PAPLN: variants seen among roughly 807,000 people sequenced by gnomAD.
The protein encoded by PAPLN is papilin.
PAPLN carries 146 observed loss-of-function variants against 159.0 expected under a neutral mutation model. The ratio of observed to expected loss-of-function variants is 0.92; its 90% confidence interval spans 0.80 to 1.05. The LOEUF (loss-of-function observed/expected upper bound fraction) is 1.05. Among genes scored for constraint, PAPLN ranks in the 50% least tolerant of loss-of-function variants. The pLI is 0.00. For synonymous variants in PAPLN, 734 were observed against 702.9 expected, an observed-to-expected ratio of 1.04 and a Z score of -0.70; for missense variants, 1,720 against 1,743.9, an observed-to-expected ratio of 0.99 and a Z score of 0.24.
In PAPLN at chr14:73,245,010, G is replaced by C. The variant is rs553420806; in HGVS notation, c.170+251G>C. 1.4e-3 allele frequency: 532 copies of C among 390,942 alleles called. 1 individual carries two copies. The highest frequency in any genetic ancestry group is 2.0e-3 in the Non-Finnish European group (443 of 216,284). The allele number at this position is 390,942 out of a possible 1,614,324, so 24.2% of individuals were successfully genotyped here. A position where few individuals can be genotyped will look rare whatever the true frequency, so the allele number is the denominator to read the frequency against. On this transcript the variant is annotated intron_variant, in intron 3 of 26. Transcript: ENST00000644200. The surrounding 1 kb of genome is among the most constrained non-coding windows in gnomAD (Gnocchi z 4.2). ...GGTCTCCAGCTCCTGATGCTGCACC[G>C]GCCTGCAGTATGGCAGGTGCAGTCA...
intron 15 of PAPLN, 36 bp downstream of exon 15, chr14:73,259,095 G>A (rs552345742): frequency 1.9e-5 from 30 of 1,581,838 alleles, no homozygotes; most frequent in Non-Finnish European, 2.4e-5. Context: ...TCAGAGCCCT[G>A]TAGTTTTTGT....
At chr14:73,247,663 CGT>C (rs148614929) in intron 5 of PAPLN, among the ~76,000 whole-genome samples, 8,855 of 43,984 alleles carry the variant, frequency 0.2, 393 homozygotes, top group Non-Finnish European at 0.27. Flanking sequence ...TGTGTGTGTG[CGT>C]GTGTGTGTGT....
intron 2 of PAPLN, among the ~76,000 whole-genome samples, chr14:73,240,304 C>T (rs1362896048): frequency 6.6e-6 from 1 of 152,142 alleles, no homozygotes; most frequent in Non-Finnish European, 1.5e-5. Context: ...CCTATGGAAC[C>T]TTCTGAGATG....
At chr14:73,258,412 CTGTTT>C (rs1320217526) in intron 14 of PAPLN, among the ~76,000 whole-genome samples, 1 of 152,030 alleles carries the variant, frequency 6.6e-6, no homozygotes, top group African/African-American at 2.4e-5. Context: ...AAAGTATGTT[CTGTTT>C]TTTGTTTTAT....
At chr14:73,237,861 G>T (rs1324968887) in intron 1 of PAPLN, among the ~76,000 whole-genome samples, 1 of 152,164 alleles carries the variant, frequency 6.6e-6, no homozygotes, top group Non-Finnish European at 1.5e-5. Flanking sequence ...CCCTCCGCCC[G>T]CTCGGACCTT....
intron 11 of PAPLN, chr14:73,253,139 A>G: frequency 7.2e-7 from 1 of 1,383,714 alleles, no homozygotes; most frequent in Non-Finnish European, 9.6e-7. Context: ...GGCATCGGCC[A>G]TGGCTTTGTT....
chr14:73,252,660 C>G lies in PAPLN; in HGVS notation c.979C>G (p.Arg327Gly), dbSNP rs750121273. The change falls in exon 11 of 27, where the codon CGC (arginine) becomes GGC (glycine). Residue 327 changes from arginine (R) to glycine (G), a missense_variant. Coordinates refer to ENST00000644200, the MANE Select transcript of PAPLN (RefSeq NM_001365906.3). The part of the protein sequence containing the change: ...SAECGGGHQS[R>G]LVFCTIDHEA... ...GGGCCTCTGCGCAGGTCACCAGTCC[C>G]GCCTGGTGTTCTGCACCATCGACCA... 7 of 1,612,968 alleles carry G rather than the reference C, an allele frequency of 4.3e-6. No homozygotes were observed. In the East Asian group the frequency reaches 1.6e-4, roughly 36 times the overall value.
intron 6 of PAPLN, 63 bp from the exon 7 acceptor site, chr14:73,250,844 G>A (rs987296963): frequency 1.3e-5 from 20 of 1,519,384 alleles, no homozygotes; most frequent in African/African-American, 4.1e-5. Context: ...AGGATGCGAC[G>A]GGGCCCAAGG....
At chr14:73,264,878 C>T in intron 22 of PAPLN, 152 bp downstream of exon 22, 1 of 1,252,878 alleles carries the variant, frequency 8.0e-7, no homozygotes, top group South Asian at 1.4e-5. Context: ...ACAGGGCTCC[C>T]AGAGCTGGGC....
chr14:73,271,909 G>A (rs1887770240), intron 26 of PAPLN, among the ~76,000 whole-genome samples: 3 of 152,322 alleles, frequency 2.0e-5, no homozygotes, highest in Admixed American at 6.5e-5. Flanking sequence ...TAGAGCCACC[G>A]TTAACAGGAC....
chr14:73,264,839 C>T, intron 22 of PAPLN, 113 bp downstream of exon 22: 3 of 1,526,136 alleles, frequency 2.0e-6, no homozygotes, highest in South Asian at 1.2e-5. Flanking sequence ...AGCCCCTGCT[C>T]AGGGCTCTGG....
In PAPLN at chr14:73,266,628, GGTAAAGTGGCA is replaced by G. The variant is rs1357089607; in HGVS notation, c.3391+3_3391+13del. On this transcript the variant is annotated splice_donor_variant and splice_donor_5th_base_variant and intron_variant, in intron 24 of 26. Coordinates refer to ENST00000644200, the MANE Select transcript of PAPLN (RefSeq NM_001365906.3). LOFTEE classifies it high-confidence loss of function. ...GCGATGGGTCCAGCTCAGAGTTCTG[GGTAAAGTGGCA>G]GTCCTGAGTGGCCTTTGAGGTCAGG... 6.2e-7 allele frequency: 1 copy of G among 1,614,132 alleles called. No homozygotes were observed. The highest frequency in any genetic ancestry group is 8.5e-7 in the Non-Finnish European group (1 of 1,180,030).
intron 26 of PAPLN, among the ~76,000 whole-genome samples, chr14:73,269,083 C>T (rs1040879006): frequency 9.2e-5 from 14 of 152,214 alleles, no homozygotes; most frequent in Non-Finnish European, 1.0e-4. Context: ...AGGCAGACCA[C>T]TAAAATCTGT....
intron 6 of PAPLN, 146 bp downstream of exon 6, chr14:73,250,260 G>C: frequency 8.6e-7 from 1 of 1,167,232 alleles, no homozygotes. Context: ...CAGCTCCTAG[G>C]GTACCTTGCA....
intron 26 of PAPLN, among the ~76,000 whole-genome samples, chr14:73,270,639 C>T (rs1212491775): frequency 2.6e-5 from 4 of 152,194 alleles, no homozygotes; most frequent in Non-Finnish European, 5.9e-5. Context: ...TGCAGATTCA[C>T]AGTGAGAGAA....
At chr14:73,272,406 T>C (rs1566714813) in intron 26 of PAPLN, 89 bp from the exon 27 acceptor site, 11 of 1,282,916 alleles carry the variant, frequency 8.6e-6, no homozygotes, top group Non-Finnish European at 1.2e-5. Context: ...TAATGCTGTG[T>C]TCCTTTGAAG....
Position 73,254,593 on chromosome 14 carries a change from A to G in PAPLN, c.1383A>G (p.Ala461=). The G allele has an allele frequency of 6.2e-7, 1 of 1,614,040 alleles. No individual in the cohort carries two copies. The highest frequency in any genetic ancestry group is 8.5e-7 in the Non-Finnish European group (1 of 1,179,932). Residue 461 remains alanine (A), a synonymous_variant, in exon 13 of 27, where the codon GCA becomes GCG. Transcript: ENST00000644200. ...RGERGSLLHT[A]ACSLEDRPPL... Reference sequence around the variant, plus strand: ...AAAGGGGTTCTTTGCTCCATACCGCAGCGTGCTCCTTGGAAGACCGGCCAC... The same window carrying G: ...AAAGGGGTTCTTTGCTCCATACCGCGGCGTGCTCCTTGGAAGACCGGCCAC...
At chr14:73,264,401 A>T in intron 21 of PAPLN, 66 bp downstream of exon 21, 2 of 1,569,904 alleles carry the variant, frequency 1.3e-6, no homozygotes, top group Non-Finnish European at 1.7e-6. Flanking sequence ...CAGGATGGGG[A>T]GCCTGACCGA....
At chr14:73,238,262 C>CA (rs762818817) in intron 1 of PAPLN, among the ~76,000 whole-genome samples, 104 of 152,328 alleles carry the variant, frequency 6.8e-4, no homozygotes, top group Non-Finnish European at 1.2e-3. Flanking sequence ...GGCCCTAGCT[C>CA]AAGGCAGACG....
Sources: gnomAD v4.1 joint callset for allele counts (sites outside exome capture counted in the v4.1 genomes callset) on GRCh38, gnomAD v4.1.1 for gene constraint, Gnocchi (gnomAD v3.1) non-coding constraint, MANE v1.5 for transcripts, NCBI Gene and HGNC (gene_info 2026-07-23, HGNC 2026-07-21) for gene names.